The following ICA1 variants were observed in gnomAD, a reference collection of about 807,000 sequenced individuals.
The protein encoded by ICA1 is islet cell autoantigen 1, also known as 69 kDa islet cell autoantigen.
ICA1 carries 40 observed loss-of-function variants against 71.0 expected under a neutral mutation model. The ratio of observed to expected loss-of-function variants is 0.56; its 90% CI spans 0.44 to 0.73. The LOEUF (loss-of-function observed/expected upper bound fraction) is 0.73, where lower values mean the gene tolerates loss of function less well. Among genes scored for constraint, ICA1 ranks in the 30% least tolerant of loss-of-function variants. The probability of loss-of-function intolerance (pLI) is 0.00; values close to 1 mark genes in which losing one functional copy is unlikely to be tolerated. For missense variants in ICA1, 578 were observed against 576.5 expected (o/e 1.00, Z -0.03); for synonymous variants, 207 against 209.5 (o/e 0.99, Z 0.10).
At chr7:8,167,636 A>T (rs546963958) in intron 6 of ICA1, among the ~76,000 whole-genome samples, 114 of 149,092 alleles carry the variant, frequency 7.6e-4, no homozygotes, top group African/African-American at 2.8e-3. Flanking sequence ...AATAAATGTT[A>T]AAAAAAAGCA....
chr7:8,169,320 A>G lies in ICA1; in HGVS notation c.580-10668T>C, dbSNP rs1807396834. On this transcript the variant is annotated intron_variant, in intron 6 of 13. Coordinates refer to ENST00000402384, the MANE Select transcript of ICA1 (RefSeq NM_001136020.3). ...GGTGATTTTGAGTAAAGCTGTTATAAATATTTGAGCAAAAGTCTTTGTGTA... is the reference window on the plus strand; with the variant it reads ...GGTGATTTTGAGTAAAGCTGTTATAGATATTTGAGCAAAAGTCTTTGTGTA... 2.0e-5 allele frequency among the ~76,000 whole-genome samples: 3 copies of G among 152,098 alleles called. No homozygotes were observed. The South Asian group carries it at 6.2e-4, about 31-fold the overall frequency.
intron 6 of ICA1, among the ~76,000 whole-genome samples, chr7:8,193,214 C>T (rs1425606632): frequency 6.6e-6 from 1 of 152,182 alleles, no homozygotes; most frequent in African/African-American, 2.4e-5. Flanking sequence ...TATTATAATC[C>T]ATGCACAGCT....
In ICA1 at chr7:8,130,651, G is replaced by T. The variant is rs537027767; in HGVS notation, c.1061-2509C>A. Among the ~76,000 whole-genome samples, 1 of 152,320 alleles carries T rather than the reference G, an allele frequency of 6.6e-6. No homozygotes were observed. Among genetic ancestry groups the T allele is most frequent in the South Asian group, 2.1e-4 (1 of 4,828 alleles). On this transcript the variant is annotated intron_variant, in intron 12 of 13. Transcript: ENST00000402384. The surrounding 1 kb of genome is among the most constrained non-coding windows in gnomAD (Gnocchi z 4.2). ...CAAATGCACCTTGGAAATGACGTATGTTCCTTCTACAGTCGCTTTATACAG... is the reference window on the plus strand; with the variant it reads ...CAAATGCACCTTGGAAATGACGTATTTTCCTTCTACAGTCGCTTTATACAG...
At chr7:8,154,595 G>GT (rs896458754) in intron 8 of ICA1, among the ~76,000 whole-genome samples, 7 of 152,018 alleles carry the variant, frequency 4.6e-5, no homozygotes, top group African/African-American at 1.7e-4. Context: ...ATTTGCTTAG[G>GT]TAAATCAACA....
chr7:8,249,892 T>G (rs527346846), intron 1 of ICA1, among the ~76,000 whole-genome samples: 1 of 152,330 alleles, frequency 6.6e-6, no homozygotes, highest in East Asian at 1.9e-4. Flanking sequence ...ATTTCTCTGG[T>G]GTGTAACTTC....
At chr7:8,127,672 A>ACAC (rs1290212023) in intron 13 of ICA1, among the ~76,000 whole-genome samples, 2 of 152,196 alleles carry the variant, frequency 1.3e-5, no homozygotes, top group Non-Finnish European at 2.9e-5. Context: ...TTTGATGCTA[A>ACAC]CACAGGGGAG....
chr7:8,124,787 A>ATTTTTT (rs35742614), intron 13 of ICA1, among the ~76,000 whole-genome samples: 1 of 146,696 alleles, frequency 6.8e-6, no homozygotes. Context: ...TTAACTCAAC[A>ATTTTTT]TTTTTTTTTT....
chr7:8,153,468 C>G (rs1800346967), intron 8 of ICA1, among the ~76,000 whole-genome samples: 2 of 152,070 alleles, frequency 1.3e-5, no homozygotes, highest in Admixed American at 1.3e-4. Flanking sequence ...TGAGATTTTC[C>G]AGGGAAAAGC....
intron 6 of ICA1, among the ~76,000 whole-genome samples, chr7:8,175,140 G>C (rs1224933026): frequency 2.0e-5 from 3 of 151,912 alleles, no homozygotes; most frequent in East Asian, 3.9e-4. Flanking sequence ...GGATAAAGCG[G>C]GGAGGGGCAC....
At chr7:8,227,662 A>T (rs1337209291) in intron 4 of ICA1, 2 of 418,648 alleles carry the variant, frequency 4.8e-6, no homozygotes, top group Non-Finnish European at 9.4e-6. Context: ...GCTGGAGCAC[A>T]ACGGCTCATT....
At chr7:8,143,749 T>A (rs1562637310) in intron 9 of ICA1, 126 bp downstream of exon 9, 3 of 645,638 alleles carry the variant, frequency 4.6e-6, no homozygotes, top group East Asian at 5.3e-5. Context: ...TGCTAATACA[T>A]CTACTCTGAG....
chr7:8,208,373 G>A (rs889586299), intron 6 of ICA1, among the ~76,000 whole-genome samples: 172 of 151,524 alleles, frequency 1.1e-3, no homozygotes, highest in Admixed American at 1.9e-3. Flanking sequence ...TAAAACCCAT[G>A]CTCTATTTTG....
At chr7:8,183,999 A>T (rs1418750534) in intron 6 of ICA1, among the ~76,000 whole-genome samples, 2 of 152,234 alleles carry the variant, frequency 1.3e-5, no homozygotes, top group African/African-American at 4.8e-5. Flanking sequence ...TGTTCATTGC[A>T]TGGTATATTA....
chr7:8,155,995 C>T (rs1172884004), intron 8 of ICA1, among the ~76,000 whole-genome samples: 2 of 152,222 alleles, frequency 1.3e-5, no homozygotes, highest in African/African-American at 2.4e-5. Flanking sequence ...ACTGTGAACG[C>T]ATTCACCATG....
intron 6 of ICA1, among the ~76,000 whole-genome samples, chr7:8,185,284 T>C (rs957404262): frequency 1.6e-4 from 25 of 152,198 alleles, no homozygotes; most frequent in Non-Finnish European, 1.0e-4. Context: ...TGTACAAAAT[T>C]AGAGCAGACT....
intron 6 of ICA1, among the ~76,000 whole-genome samples, chr7:8,200,338 C>CAAAAAAAAAAAAAAAAA (rs34371233): frequency 2.9e-5 from 2 of 67,956 alleles, no homozygotes; most frequent in Admixed American, 2.3e-4. Context: ...CACAGTTGAG[C>CAAAAAAAAAAAAAAAAA]AAAAAAAAAA....
intron 6 of ICA1, among the ~76,000 whole-genome samples, chr7:8,165,049 A>G (rs1805399561): frequency 6.6e-6 from 1 of 152,096 alleles, no homozygotes; most frequent in Non-Finnish European, 1.5e-5. Flanking sequence ...TGCACTCCAG[A>G]AGCAGCCTGG....
chr7:8,203,209 T>C (rs1006718639), intron 6 of ICA1, among the ~76,000 whole-genome samples: 1 of 146,838 alleles, frequency 6.8e-6, no homozygotes. Flanking sequence ...TACAAATTTC[T>C]AGGCTCTAAG....
rs541611426 is a variant in ICA1, at chr7:8,124,077, C to G, written c.1330+3796G>C. On this transcript the variant is annotated intron_variant, in intron 13 of 13. Coordinates refer to ENST00000402384, the MANE Select transcript of ICA1 (RefSeq NM_001136020.3). Reference sequence around the variant, plus strand: ...ACACTGAGTGCTGGCTGTTATTTTACCATCTACAAATCATAGATTCACTGA... The same window carrying G: ...ACACTGAGTGCTGGCTGTTATTTTAGCATCTACAAATCATAGATTCACTGA... Among the ~76,000 whole-genome samples, 206 of 151,440 alleles carry G rather than the reference C, an allele frequency of 1.4e-3. 1 individual carries two copies. The highest frequency in any genetic ancestry group is 3.4e-3 in the Middle Eastern group (1 of 290).
Sources: gnomAD v4.1 joint callset for allele counts (sites outside exome capture counted in the v4.1 genomes callset) on GRCh38, gnomAD v4.1.1 for gene constraint, Gnocchi (gnomAD v3.1) non-coding constraint, MANE v1.5 for transcripts, NCBI Gene and HGNC (gene_info 2026-07-23, HGNC 2026-07-21) for gene names.